Variants in NPHP4 observed in about 807,000 individuals in gnomAD.
The protein encoded by NPHP4 is nephrocystin 4.
In NPHP4, 151 loss-of-function variants were observed where a neutral mutation model predicts 155.8. That is an observed-to-expected ratio of 0.97 (90% CI 0.85 to 1.11). NPHP4 has a LOEUF of 1.11. Among genes scored for constraint, NPHP4 ranks in the 50% least tolerant of loss-of-function variants. NPHP4 has a pLI of 0.00. For missense variants in NPHP4, 1,956 were observed against 1,925.7 expected (o/e 1.02, Z -0.29); for synonymous variants, 845 against 816.8 (o/e 1.03, Z -0.59).
chr1:5,931,231 T>C (rs903444062), intron 10 of NPHP4, among the ~76,000 whole-genome samples: 2 of 152,146 alleles, frequency 1.3e-5, no homozygotes, highest in Non-Finnish European at 2.9e-5. Context: ...TAAACTGGTG[T>C]GTTTACACTA....
At chr1:5,958,202 G>C (rs571396219) in intron 6 of NPHP4, among the ~76,000 whole-genome samples, 1 of 152,318 alleles carries the variant, frequency 6.6e-6, no homozygotes, top group East Asian at 1.9e-4. Flanking sequence ...GTATAAAAGG[G>C]GCAAACAACT....
intron 16 of NPHP4, among the ~76,000 whole-genome samples, chr1:5,902,521 T>C (rs1357066133): frequency 2.0e-5 from 3 of 152,386 alleles, no homozygotes; most frequent in Admixed American, 6.5e-5. Flanking sequence ...TGCCCTGTTG[T>C]ACCTGGTGAC....
At chr1:5,959,694 C>T (rs542734304) in intron 6 of NPHP4, among the ~76,000 whole-genome samples, 1 of 151,984 alleles carries the variant, frequency 6.6e-6, no homozygotes, top group Non-Finnish European at 1.5e-5. Flanking sequence ...ATCCACCAGG[C>T]GACATCTCAC....
intron 28 of NPHP4, 110 bp downstream of exon 28, chr1:5,864,228 G>T: frequency 8.2e-7 from 1 of 1,216,552 alleles, no homozygotes; most frequent in Non-Finnish European, 1.2e-6. Context: ...GCCCTGCTGG[G>T]TCAGAACACT....
intron 10 of NPHP4, among the ~76,000 whole-genome samples, chr1:5,929,762 T>C (rs1327311433): frequency 1.3e-5 from 2 of 152,184 alleles, no homozygotes; most frequent in African/African-American, 4.8e-5. Flanking sequence ...AGTTCTGTTT[T>C]CTTGTTATTA....
At chr1:5,965,411 C>T (rs929295858) in intron 5 of NPHP4, among the ~76,000 whole-genome samples, 1 of 152,138 alleles carries the variant, frequency 6.6e-6, no homozygotes, top group African/African-American at 2.4e-5. Flanking sequence ...GGACGTGGAG[C>T]GAATGTGGTG....
chr1:5,874,638 C>G lies in NPHP4; in HGVS notation c.3064G>C (p.Glu1022Gln), dbSNP rs1451203266. Residue 1022 changes from glutamate (E) to glutamine (Q), a missense_variant, in exon 22 of 30, where the codon GAG becomes CAG. By Grantham distance (29) the Glu-to-Gln change is conservative (BLOSUM62 2). Transcript: ENST00000378156. Reference sequence around the variant, plus strand: ...GCAGCACCCTTGAAGTCCCTCCACTCCTGACTGTCCACGATGACGCTGGGG... The same window carrying G: ...GCAGCACCCTTGAAGTCCCTCCACTGCTGACTGTCCACGATGACGCTGGGG... ...PELSVIVDSQ[E>Q]WRDFKGAAGL... 3 of 1,612,042 alleles carry G rather than the reference C, an allele frequency of 1.9e-6. No homozygotes were observed. The highest frequency in any genetic ancestry group is 2.2e-5 in the South Asian group (2 of 90,700).
intron 12 of NPHP4, 67 bp from the exon 13 acceptor site, chr1:5,907,289 A>G (rs1166923960): frequency 4.9e-6 from 5 of 1,020,946 alleles, no homozygotes; most frequent in Non-Finnish European, 7.2e-6. Flanking sequence ...AGCTCCCAAC[A>G]TGCACTGGCC....
intron 13 of NPHP4, among the ~76,000 whole-genome samples, chr1:5,906,093 G>A (rs1256499021): frequency 6.6e-6 from 1 of 152,160 alleles, no homozygotes; most frequent in Non-Finnish European, 1.5e-5. Flanking sequence ...AAGCGGTGAG[G>A]AGGGAATCCT....
At chr1:5,891,906 G>A (rs996705196) in intron 16 of NPHP4, among the ~76,000 whole-genome samples, 16 of 152,244 alleles carry the variant, frequency 1.1e-4, no homozygotes, top group African/African-American at 3.9e-4. Flanking sequence ...CAGAGGACAA[G>A]GAGTAAGCAC....
Position 5,882,131 on chromosome 1 carries a change from A to G in NPHP4, c.2486-1892T>C, listed in dbSNP as rs1241461890. On this transcript the variant is annotated intron_variant, in intron 18 of 29. Coordinates refer to ENST00000378156, the MANE Select transcript of NPHP4 (RefSeq NM_015102.5). The surrounding 1 kb of genome is among the most constrained non-coding windows in gnomAD (Gnocchi z 5.1). ...ATGGGAAGGCTGGCTGCCTCCTCCCACGCCCTAGGTGGCAACCAGAAAGGC... is the reference window on the plus strand; with the variant it reads ...ATGGGAAGGCTGGCTGCCTCCTCCCGCGCCCTAGGTGGCAACCAGAAAGGC... 1 of 152,084 alleles carries G rather than the reference A, an allele frequency of 6.6e-6. No homozygotes were observed. Among genetic ancestry groups the G allele is most frequent in the Non-Finnish European group, 1.5e-5 (1 of 68,066 alleles). 9.4% of individuals were successfully genotyped at this position (152,084 alleles called of 1,614,324 possible). A position where few individuals can be genotyped will look rare whatever the true frequency, so the allele number is the denominator to read the frequency against.
chr1:5,971,349 G>T (rs1049178044), intron 3 of NPHP4, among the ~76,000 whole-genome samples: 1 of 152,222 alleles, frequency 6.6e-6, no homozygotes, highest in African/African-American at 2.4e-5. Flanking sequence ...AGAAGAGTCA[G>T]CCGCTCCAAG....
chr1:5,908,113 G>A (rs1645002408), intron 12 of NPHP4, among the ~76,000 whole-genome samples: 1 of 152,232 alleles, frequency 6.6e-6, no homozygotes, highest in Non-Finnish European at 1.5e-5. Flanking sequence ...GAATGAATGG[G>A]GGGCGGGGTG....
At chr1:5,971,859 C>T (rs910284074) in intron 3 of NPHP4, among the ~76,000 whole-genome samples, 19 of 152,254 alleles carry the variant, frequency 1.2e-4, no homozygotes, top group Admixed American at 3.3e-4. Flanking sequence ...CAGAGGGAGA[C>T]GGGCTCTCTG....
intron 5 of NPHP4, among the ~76,000 whole-genome samples, chr1:5,964,706 G>A (rs78239961): frequency 2.4e-4 from 37 of 151,502 alleles, no homozygotes; most frequent in East Asian, 1.2e-3. Flanking sequence ...TTTTCCAATT[G>A]GATATTCTTT....
intron 29 of NPHP4, 137 bp downstream of exon 29, chr1:5,863,753 A>C: frequency 1.1e-6 from 1 of 894,040 alleles, no homozygotes; most frequent in Non-Finnish European, 1.8e-6. Flanking sequence ...CAACTATGGG[A>C]TGGTACCTGT....
At chr1:5,957,062 G>C (rs149995498) in intron 6 of NPHP4, among the ~76,000 whole-genome samples, 1 of 152,088 alleles carries the variant, frequency 6.6e-6, no homozygotes, top group Non-Finnish European at 1.5e-5. Context: ...CAGCAACCAC[G>C]GCAGACATGA....
Position 5,866,511 on chromosome 1 carries a change from G to A in NPHP4, c.3559-53C>T, listed in dbSNP as rs1305198624. ...GGCACACAGTGCTCTGCCGACCCCA[G>A]CCTGGCCCCTAAATCTGTGACTAAT... On this transcript the variant is annotated intron_variant, in intron 25 of 29. Coordinates refer to ENST00000378156, the MANE Select transcript of NPHP4 (RefSeq NM_015102.5). The A allele has an allele frequency of 2.8e-6, 3 of 1,074,024 alleles. No homozygotes were observed. The African/African-American group carries it at 4.6e-5, about 17-fold the overall frequency. 66.5% of individuals were successfully genotyped at this position (1,074,024 alleles called of 1,614,324 possible). A position where few individuals can be genotyped will look rare whatever the true frequency, so the allele number is the denominator to read the frequency against.
intron 16 of NPHP4, among the ~76,000 whole-genome samples, chr1:5,894,780 C>T: frequency 6.6e-6 from 1 of 151,924 alleles, no homozygotes; most frequent in East Asian, 1.9e-4. Flanking sequence ...AATTAGAAAA[C>T]AAAACAATAG....
Sources: allele counts gnomAD v4.1 joint callset (sites outside exome capture counted in the v4.1 genomes callset), GRCh38; gene constraint gnomAD v4.1.1; non-coding constraint Gnocchi (gnomAD v3.1); transcripts MANE v1.5; gene names NCBI Gene and HGNC (gene_info 2026-07-23, HGNC 2026-07-21).